Variants in GUCY1A2 observed in about 807,000 individuals in gnomAD.
GUCY1A2 encodes guanylate cyclase 1 soluble subunit alpha 2.
In GUCY1A2, 27 loss-of-function variants were observed where a neutral mutation model predicts 63.5. That is an observed-to-expected ratio of 0.43 (90% confidence interval 0.31 to 0.59). GUCY1A2 has a LOEUF of 0.59. Among genes scored for constraint, GUCY1A2 ranks in the 20% least tolerant of loss-of-function variants. The pLI, the probability that GUCY1A2 is intolerant of heterozygous loss-of-function variation, is 0.11. For missense variants in GUCY1A2, 768 were observed against 913.3 expected, an observed-to-expected ratio of 0.84 and a Z score of 2.05; for synonymous variants, 364 against 343.5, an observed-to-expected ratio of 1.06 and a Z score of -0.66.
chr11:106,852,421 G>T (rs182902980), intron 4 of GUCY1A2, among the ~76,000 whole-genome samples: 28 of 152,118 alleles, frequency 1.8e-4, no homozygotes, highest in African/African-American at 5.3e-4. Flanking sequence ...AGCTTTTCCC[G>T]ATTCAGTATG....
At chr11:106,920,473 C>T (rs541336379) in intron 4 of GUCY1A2, among the ~76,000 whole-genome samples, 1 of 152,186 alleles carries the variant, frequency 6.6e-6, no homozygotes, top group African/African-American at 2.4e-5. Flanking sequence ...ATTCCACCAA[C>T]TCAAAATTTA....
At chr11:106,757,828 G>A (rs1419153355) in intron 6 of GUCY1A2, among the ~76,000 whole-genome samples, 1 of 152,190 alleles carries the variant, frequency 6.6e-6, no homozygotes, top group African/African-American at 2.4e-5. Flanking sequence ...CTACATGGGG[G>A]TCATGGACCC....
At chr11:106,770,409 T>C (rs1051650582) in intron 6 of GUCY1A2, among the ~76,000 whole-genome samples, 1 of 152,158 alleles carries the variant, frequency 6.6e-6, no homozygotes, top group Non-Finnish European at 1.5e-5. Flanking sequence ...AATCGGAGGA[T>C]GCAGAACTCA....
At position 106,782,979 on chromosome 11, in the gene GUCY1A2, G is replaced by A. The variant is rs113387781; in HGVS notation, c.1693-6397C>T. 4.1e-4 allele frequency among the ~76,000 whole-genome samples: 63 copies of A among 152,210 alleles called. 1 individual carries two copies. The highest frequency in any genetic ancestry group is 3.1e-3 in the Admixed American group (48 of 15,288). On this transcript the variant is annotated intron_variant, in intron 5 of 7. Coordinates refer to ENST00000526355, the MANE Select transcript of GUCY1A2 (RefSeq NM_000855.3). The stretch of plus-strand genomic sequence containing the variant: ...CTCTTAACCAAAGATGAAAATCTAC[G>A]TGATTGTGGTCAAGCAAAGGTATTA...
At chr11:106,987,131 G>A (rs1053735531) in intron 1 of GUCY1A2, among the ~76,000 whole-genome samples, 5 of 152,086 alleles carry the variant, frequency 3.3e-5, no homozygotes, top group Admixed American at 3.3e-4. Flanking sequence ...AGCACTCAAG[G>A]CCTCATCAAA....
chr11:106,853,250 C>T (rs1375942248), intron 4 of GUCY1A2, among the ~76,000 whole-genome samples: 1 of 151,974 alleles, frequency 6.6e-6, no homozygotes, highest in Non-Finnish European at 1.5e-5. Context: ...CCCATCTCTT[C>T]TCCTTCTGAA....
At chr11:106,870,815 T>C (rs945218375) in intron 4 of GUCY1A2, among the ~76,000 whole-genome samples, 3 of 152,160 alleles carry the variant, frequency 2.0e-5, no homozygotes, top group Admixed American at 2.0e-4. Flanking sequence ...TTTTAATTAA[T>C]TGATGTATGT....
At chr11:106,989,060 T>A (rs1399519914) in intron 1 of GUCY1A2, among the ~76,000 whole-genome samples, 1 of 152,168 alleles carries the variant, frequency 6.6e-6, no homozygotes, top group East Asian at 1.9e-4. Context: ...TCAATGTAGA[T>A]CAGTGGGAAC....
chr11:106,935,082 C>T (rs1351952319), intron 4 of GUCY1A2, among the ~76,000 whole-genome samples: 1 of 152,114 alleles, frequency 6.6e-6, no homozygotes, highest in African/African-American at 2.4e-5. Flanking sequence ...CAGATCCAAA[C>T]AGAGCTCCTA....
intron 6 of GUCY1A2, among the ~76,000 whole-genome samples, chr11:106,723,064 G>C (rs1180834782): frequency 6.6e-6 from 1 of 152,102 alleles, no homozygotes; most frequent in Non-Finnish European, 1.5e-5. Context: ...ATGATACAAA[G>C]TCAACTGCAT....
At chr11:106,796,089 T>C (rs1283588792) in intron 5 of GUCY1A2, among the ~76,000 whole-genome samples, 1 of 152,164 alleles carries the variant, frequency 6.6e-6, no homozygotes, top group Non-Finnish European at 1.5e-5. Flanking sequence ...TTTTGATCTT[T>C]GTTGGTTTAA....
intron 4 of GUCY1A2, among the ~76,000 whole-genome samples, chr11:106,893,465 A>AATATAT (rs140739579): frequency 6.6e-6 from 1 of 151,428 alleles, no homozygotes; most frequent in Non-Finnish European, 1.5e-5. Flanking sequence ...ACATAGGCCA[A>AATATAT]ATATATATAT....
At chr11:106,703,950 G>C (rs1023722737) in intron 7 of GUCY1A2, among the ~76,000 whole-genome samples, 1 of 151,868 alleles carries the variant, frequency 6.6e-6, no homozygotes, top group Non-Finnish European at 1.5e-5. Context: ...ATGTACCTTA[G>C]CTTAAATTTG....
chr11:106,976,665 A>G lies in GUCY1A2; in HGVS notation c.487+1954T>C, dbSNP rs117545697. On this transcript the variant is annotated intron_variant, in intron 3 of 7. Transcript: ENST00000526355. ...TCTTCAGAAATTTAAACTTTACAAGATTGTGCTTTAAATCTTGAAAACAAC... is the reference window on the plus strand; with the variant it reads ...TCTTCAGAAATTTAAACTTTACAAGGTTGTGCTTTAAATCTTGAAAACAAC... Among the ~76,000 whole-genome samples the G allele has an allele frequency of 7.0e-3, 1,071 of 152,316 alleles. 6 individuals are homozygous for G. Among genetic ancestry groups the G allele is most frequent in the Middle Eastern group, 0.027 (8 of 294 alleles).
intron 4 of GUCY1A2, among the ~76,000 whole-genome samples, chr11:106,848,690 A>G (rs1231685004): frequency 6.6e-6 from 1 of 151,656 alleles, no homozygotes; most frequent in Non-Finnish European, 1.5e-5. Flanking sequence ...TGAGAGAAGG[A>G]CAGACATTCC....
intron 4 of GUCY1A2, among the ~76,000 whole-genome samples, chr11:106,840,714 A>C (rs1057289249): frequency 2.0e-4 from 30 of 151,940 alleles, no homozygotes; most frequent in African/African-American, 6.3e-4. Context: ...AAATGGTTCT[A>C]TCTTTATAAA....
At chr11:106,709,834 G>A (rs1268413403) in intron 6 of GUCY1A2, among the ~76,000 whole-genome samples, 27 of 131,908 alleles carry the variant, frequency 2.0e-4, no homozygotes, top group Non-Finnish European at 1.1e-4. Context: ...TTATATACAC[G>A]TATAGAATAT....
intron 5 of GUCY1A2, among the ~76,000 whole-genome samples, chr11:106,783,377 A>G (rs1173809363): frequency 6.6e-6 from 1 of 152,176 alleles, no homozygotes; most frequent in Non-Finnish European, 1.5e-5. Context: ...GATGATCTGG[A>G]GCAGGGGCAA....
At chr11:106,992,734 G>A (rs1414740894) in intron 1 of GUCY1A2, among the ~76,000 whole-genome samples, 1 of 151,924 alleles carries the variant, frequency 6.6e-6, no homozygotes, top group Non-Finnish European at 1.5e-5. Context: ...TTTTTTTCTT[G>A]AGAACACACA....
Sources: allele counts gnomAD v4.1 joint callset (sites outside exome capture counted in the v4.1 genomes callset), GRCh38; gene constraint gnomAD v4.1.1; transcripts MANE v1.5; gene names NCBI Gene and HGNC (gene_info 2026-07-23, HGNC 2026-07-21).